The following DLGAP2 variants were observed in gnomAD, a reference collection of about 807,000 sequenced individuals.
DLGAP2 encodes the protein disks large-associated protein 2.
Under a neutral mutation model 100.3 loss-of-function variants are expected in DLGAP2, and 26 were observed. The ratio of observed to expected loss-of-function variants is 0.26; its 90% CI spans 0.19 to 0.36. DLGAP2 has a LOEUF of 0.36. Ranked by LOEUF, DLGAP2 falls within the 10% of genes least tolerant of loss-of-function variation. DLGAP2 has a pLI of 1.00. For missense variants in DLGAP2, 1,858 were observed against 1,453.2 expected (o/e 1.28, Z -4.53); for synonymous variants, 886 against 630.1 (o/e 1.41, Z -6.08).
intron 3 of DLGAP2, among the ~76,000 whole-genome samples, chr8:1,391,578 G>C (rs1796357155): frequency 6.6e-6 from 1 of 152,184 alleles, no homozygotes; most frequent in Non-Finnish European, 1.5e-5. Context: ...TTCCACCATG[G>C]ATGCCTCACA....
intron 4 of DLGAP2, among the ~76,000 whole-genome samples, chr8:1,523,565 A>G (rs1800685426): frequency 6.6e-6 from 1 of 152,216 alleles, no homozygotes; most frequent in Non-Finnish European, 1.5e-5. Context: ...CCCTGGGTAG[A>G]AAATTGAGTC....
At chr8:1,504,441 C>G (rs1440741375) in intron 4 of DLGAP2, among the ~76,000 whole-genome samples, 1 of 152,148 alleles carries the variant, frequency 6.6e-6, no homozygotes, top group Non-Finnish European at 1.5e-5. Flanking sequence ...TAGCAGTTTT[C>G]AAGTAAACAA....
At chr8:894,000 C>A (rs1015515048) in intron 1 of DLGAP2, among the ~76,000 whole-genome samples, 3 of 152,232 alleles carry the variant, frequency 2.0e-5, no homozygotes, top group African/African-American at 7.2e-5. Context: ...GTCACCCAGG[C>A]CGTGTGGCTC....
At chr8:799,184 C>G (rs1796097211) in intron 1 of DLGAP2, among the ~76,000 whole-genome samples, 1 of 152,204 alleles carries the variant, frequency 6.6e-6, no homozygotes. Context: ...CCCAGGCCTT[C>G]TCTCTGGGTT....
chr8:1,651,764 C>T (rs1464424257), intron 8 of DLGAP2, among the ~76,000 whole-genome samples: 1 of 152,182 alleles, frequency 6.6e-6, no homozygotes, highest in African/African-American at 2.4e-5. Flanking sequence ...AAAAATCCTT[C>T]TGATCGTATT....
chr8:1,290,069 C>T (rs186426065), intron 3 of DLGAP2, among the ~76,000 whole-genome samples: 4 of 152,134 alleles, frequency 2.6e-5, no homozygotes, highest in East Asian at 3.9e-4. Flanking sequence ...ATCTCAGTGA[C>T]GTGATTGGTG....
chr8:1,119,963 G>A (rs1392258352), intron 2 of DLGAP2, among the ~76,000 whole-genome samples: 2 of 152,182 alleles, frequency 1.3e-5, no homozygotes, highest in Admixed American at 1.3e-4. Flanking sequence ...ATAGGAAATG[G>A]CTAAGATGAA....
At chr8:1,163,385 C>A (rs920141230) in intron 2 of DLGAP2, among the ~76,000 whole-genome samples, 1 of 152,218 alleles carries the variant, frequency 6.6e-6, no homozygotes, top group African/African-American at 2.4e-5. Flanking sequence ...TCCGCGGTTC[C>A]GGCTGGAGAC....
At chr8:1,141,686 G>C (rs1310072706) in intron 2 of DLGAP2, among the ~76,000 whole-genome samples, 1 of 152,086 alleles carries the variant, frequency 6.6e-6, no homozygotes, top group Non-Finnish European at 1.5e-5. Context: ...ATAGAGGAAT[G>C]AGAAAATGAA....
intron 2 of DLGAP2, among the ~76,000 whole-genome samples, chr8:1,094,148 G>C (rs779063795): frequency 6.6e-6 from 1 of 152,200 alleles, no homozygotes; most frequent in Non-Finnish European, 1.5e-5. Context: ...TGTGCTTCTT[G>C]ATGCCAGGGC....
At chr8:1,651,718 G>A (rs779087666) in intron 8 of DLGAP2, among the ~76,000 whole-genome samples, 23 of 152,322 alleles carry the variant, frequency 1.5e-4, no homozygotes, top group Admixed American at 1.4e-3. Flanking sequence ...AATAACAGGG[G>A]AAGATGTCTG....
intron 3 of DLGAP2, among the ~76,000 whole-genome samples, chr8:1,342,428 G>A (rs578176589): frequency 6.6e-6 from 1 of 152,204 alleles, no homozygotes; most frequent in Non-Finnish European, 1.5e-5. Flanking sequence ...TGTACATAGT[G>A]TTGACCCACT....
intron 2 of DLGAP2, among the ~76,000 whole-genome samples, chr8:1,027,031 C>G (rs940763955): frequency 2.0e-5 from 3 of 152,176 alleles, no homozygotes; most frequent in African/African-American, 7.2e-5. Context: ...AAGTAATTAC[C>G]ACACTGTTTG....
intron 3 of DLGAP2, among the ~76,000 whole-genome samples, chr8:1,279,326 G>A (rs925637852): frequency 6.6e-6 from 1 of 152,112 alleles, no homozygotes; most frequent in African/African-American, 2.4e-5. Flanking sequence ...TTTTATAATT[G>A]CCTGCCATGA....
chr8:1,178,558 C>A (rs1562923), intron 2 of DLGAP2, among the ~76,000 whole-genome samples: 105,228 of 152,012 alleles, frequency 0.69, 38,132 homozygotes, highest in Admixed American at 0.81. Context: ...CGAAAGGCAC[C>A]TTTTTAGGCA....
At chr8:811,094 G>A (rs1203845396) in intron 1 of DLGAP2, among the ~76,000 whole-genome samples, 6 of 152,174 alleles carry the variant, frequency 3.9e-5, no homozygotes, top group East Asian at 3.9e-4. Context: ...GTTTGTGCAC[G>A]GTGCCTCCCC....
intron 3 of DLGAP2, among the ~76,000 whole-genome samples, chr8:1,474,219 G>C (rs558959069): frequency 2.2e-4 from 34 of 152,188 alleles, no homozygotes; most frequent in Admixed American, 5.2e-4. Context: ...ATTTTATTCC[G>C]TTTTTTGGCT....
At chr8:891,259 G>A (rs777661483) in intron 1 of DLGAP2, 2 of 152,388 alleles carry the variant, frequency 1.3e-5, no homozygotes, top group Non-Finnish European at 2.9e-5. Flanking sequence ...ATGTCAGGAA[G>A]GGTATTTTAT....
chr8:1,177,649 C>G (rs1202389493), intron 2 of DLGAP2, among the ~76,000 whole-genome samples: 1 of 152,166 alleles, frequency 6.6e-6, no homozygotes, highest in Non-Finnish European at 1.5e-5. Context: ...CACAAATACC[C>G]CACACTAGGT....
Sources: gnomAD v4.1 joint callset for allele counts (sites outside exome capture counted in the v4.1 genomes callset) on GRCh38, gnomAD v4.1.1 for gene constraint, MANE v1.5 for transcripts, NCBI Gene and HGNC (gene_info 2026-07-23, HGNC 2026-07-21) for gene names.